ADAMTS2: variants seen among roughly 807,000 people sequenced by gnomAD.
The protein encoded by ADAMTS2 is ADAM metallopeptidase with thrombospondin type 1 motif 2, also known as A disintegrin and metalloproteinase with thrombospondin motifs 2.
In ADAMTS2, 50 loss-of-function variants were observed where a neutral mutation model predicts 123.0. The observed-to-expected ratio is 0.41, with a 90% CI of 0.32 to 0.51. The LOEUF (loss-of-function observed/expected upper bound fraction) is 0.51, where lower values mean the gene tolerates loss of function less well. Ranked by LOEUF, ADAMTS2 falls within the 20% of genes least tolerant of loss-of-function variation. The probability of loss-of-function intolerance (pLI) is 0.35; values close to 1 mark genes in which losing one functional copy is unlikely to be tolerated. For missense variants in ADAMTS2, 1,494 were observed against 1,705.2 expected, an observed-to-expected ratio of 0.88 and a Z score of 2.18; for synonymous variants, 678 against 695.4, an observed-to-expected ratio of 0.98 and a Z score of 0.39.
chr5:179,207,952 C>T lies in ADAMTS2; in HGVS notation c.689-237G>A, dbSNP rs147965283. On this transcript the variant is annotated intron_variant, in intron 3 of 21. Coordinates refer to ENST00000251582, the MANE Select transcript of ADAMTS2 (RefSeq NM_014244.5). ...TGTGACTTCCAGGACCGCTCGTTCCCCAGCCCCTGGTGGCAACCCCAGCCA... is the reference window on the plus strand; with the variant it reads ...TGTGACTTCCAGGACCGCTCGTTCCTCAGCCCCTGGTGGCAACCCCAGCCA... Among the ~76,000 whole-genome samples, 417 of 152,322 alleles carry T rather than the reference C, an allele frequency of 2.7e-3. 5 individuals carry two copies. Among genetic ancestry groups the T allele is most frequent in the African/African-American group, 9.7e-3 (405 of 41,582 alleles).
chr5:179,319,401 CACACATGCATGCATCAA>C (rs1440984124), intron 2 of ADAMTS2, among the ~76,000 whole-genome samples: 1 of 152,076 alleles, frequency 6.6e-6, no homozygotes, highest in African/African-American at 2.4e-5. Flanking sequence ...GCATGCAGTG[CACACATGCATGCATCAA>C]GCACATGCAT....
intron 2 of ADAMTS2, among the ~76,000 whole-genome samples, chr5:179,330,083 G>A (rs1234876561): frequency 7.0e-6 from 1 of 143,484 alleles, no homozygotes; most frequent in Admixed American, 7.3e-5. Context: ...CCGAGATTGC[G>A]CCACTGCAGT....
intron 4 of ADAMTS2, among the ~76,000 whole-genome samples, chr5:179,206,051 A>G (rs112138101): frequency 4.6e-4 from 70 of 152,110 alleles, no homozygotes; most frequent in African/African-American, 1.1e-3. Flanking sequence ...GAGCCACCGC[A>G]CCCGGCCGTT....
At chr5:179,276,059 G>A (rs1254052888) in intron 2 of ADAMTS2, among the ~76,000 whole-genome samples, 1 of 152,112 alleles carries the variant, frequency 6.6e-6, no homozygotes, top group Non-Finnish European at 1.5e-5. Flanking sequence ...AGCGGAAGAG[G>A]GGGTGGGAAC....
At chr5:179,218,314 AAG>A (rs1336138093) in intron 3 of ADAMTS2, among the ~76,000 whole-genome samples, 14 of 152,278 alleles carry the variant, frequency 9.2e-5, no homozygotes, top group African/African-American at 3.4e-4. Context: ...CTTACTAACC[AAG>A]AGAGAGTCGC....
rs1402048390 is a variant in ADAMTS2 at position 179,345,227 on chromosome 5, G to T, written c.102C>A (p.Pro34=). 8.3e-5 allele frequency: 93 copies of T among 1,119,454 alleles called. No homozygotes were observed. The highest frequency in any genetic ancestry group is 1.0e-4 in the Non-Finnish European group (93 of 918,750). The allele number at this position is 1,119,454 out of a possible 1,614,324, so 69.3% of individuals were successfully genotyped here. Residue 34 remains proline, a synonymous_variant, in exon 1 of 22, where the codon CCC becomes CCA. Transcript: ENST00000251582. This position sits in a 1 kb window ranked among gnomAD's most constrained non-coding sequence, Gnocchi z 7.5. ...PPPLLPPPPP[P]ANARLAAAAD... is the part of the protein sequence containing the mutation. ...CGGCGGCGGCGAGCCTGGCGTTCGC[G>T]GGCGGCGGCGGCGGCGGCAGGAGCG...
At chr5:179,176,983 G>A (rs1018564207) in intron 5 of ADAMTS2, among the ~76,000 whole-genome samples, 3 of 151,826 alleles carry the variant, frequency 2.0e-5, no homozygotes, top group African/African-American at 7.3e-5. Flanking sequence ...TCCTCCCGTT[G>A]CTTTTCCTGA....
chr5:179,190,930 C>T (rs11950759), intron 4 of ADAMTS2, among the ~76,000 whole-genome samples: 2,780 of 152,376 alleles, frequency 0.018, 83 homozygotes, highest in African/African-American at 0.063. Flanking sequence ...CTGCTGTGCC[C>T]AGGCACGTCC....
At chr5:179,249,253 C>A (rs1765867334) in intron 3 of ADAMTS2, among the ~76,000 whole-genome samples, 1 of 151,914 alleles carries the variant, frequency 6.6e-6, no homozygotes, top group African/African-American at 2.4e-5. Flanking sequence ...CATACAAAAG[C>A]AGTGCCCAGA....
At chr5:179,208,258 G>A (rs1764765899) in intron 3 of ADAMTS2, among the ~76,000 whole-genome samples, 1 of 145,934 alleles carries the variant, frequency 6.9e-6, no homozygotes, top group Non-Finnish European at 1.5e-5. Context: ...TGTTATGACT[G>A]GGGAAACCGA....
chr5:179,325,686 G>A (rs943633198), intron 2 of ADAMTS2, among the ~76,000 whole-genome samples: 2 of 152,264 alleles, frequency 1.3e-5, no homozygotes, highest in Non-Finnish European at 2.9e-5. Flanking sequence ...TCTGCCGGGC[G>A]GCTGGTGCAC....
intron 3 of ADAMTS2, among the ~76,000 whole-genome samples, chr5:179,235,371 T>C (rs1365895629): frequency 6.6e-6 from 1 of 152,152 alleles, no homozygotes; most frequent in African/African-American, 2.4e-5. Context: ...CAGAATAGCA[T>C]GAAATGCTCA....
chr5:179,202,170 C>T lies in ADAMTS2; in HGVS notation c.891+5343G>A, dbSNP rs965897483. ...GCTCCCCTCCACCTCTGGAAGACTG[C>T]GGCGGCCGGCCTTGCCGGCCCCGAC... On this transcript the variant is annotated intron_variant, in intron 4 of 21. Coordinates refer to ENST00000251582, the MANE Select transcript of ADAMTS2 (RefSeq NM_014244.5). This position sits in a 1 kb window ranked among gnomAD's most constrained non-coding sequence, Gnocchi z 4.0. 2.0e-5 allele frequency among the ~76,000 whole-genome samples: 3 copies of T among 151,468 alleles called. No individual in the cohort carries two copies. The highest frequency in any genetic ancestry group is 4.4e-5 in the Non-Finnish European group (3 of 67,836).
In ADAMTS2 at chr5:179,228,536, C is replaced by T. The variant is rs1765338845; in HGVS notation, c.689-20821G>A. Among the ~76,000 whole-genome samples the T allele has an allele frequency of 1.3e-5, 2 of 152,252 alleles. No individual in the cohort carries two copies. The highest frequency in any genetic ancestry group is 2.1e-4 in the South Asian group (1 of 4,836). On this transcript the variant is annotated intron_variant, in intron 3 of 21. Coordinates refer to ENST00000251582, the MANE Select transcript of ADAMTS2 (RefSeq NM_014244.5). This position sits in a 1 kb window ranked among gnomAD's most constrained non-coding sequence, Gnocchi z 5.2. Reference sequence around the variant, plus strand: ...TGTGGGTGTGAAGCGGAAGGAGACTCTGCAGCAAGGCCCAGCTCTTATGCC... The same window carrying T: ...TGTGGGTGTGAAGCGGAAGGAGACTTTGCAGCAAGGCCCAGCTCTTATGCC...
At position 179,139,758 on chromosome 5, in the gene ADAMTS2, G is replaced by A. The variant is rs1763128976; in HGVS notation, c.1775+132C>T. On this transcript the variant is annotated intron_variant, in intron 11 of 21. Coordinates refer to ENST00000251582, the MANE Select transcript of ADAMTS2 (RefSeq NM_014244.5). ...CTCCCAGGTAGGGTGAGGCAGGCGG[G>A]GCAGCCTGCCCTGCACCTCTCCAGA... 24 of 1,370,504 alleles carry A rather than the reference G, an allele frequency of 1.8e-5. No homozygotes were observed. The South Asian group carries it at 2.8e-4, about 16-fold the overall frequency. The allele number at this position is 1,370,504 out of a possible 1,614,324, so 84.9% of individuals were successfully genotyped here.
At position 179,115,904 on chromosome 5, in the gene ADAMTS2, G is replaced by A. The variant is rs527788789; in HGVS notation, c.3179-1580C>T. Among the ~76,000 whole-genome samples the A allele has an allele frequency of 6.6e-6, 1 of 152,184 alleles. No homozygotes were observed. The highest frequency in any genetic ancestry group is 2.1e-4 in the South Asian group (1 of 4,810). On this transcript the variant is annotated intron_variant, in intron 21 of 21. Coordinates refer to ENST00000251582, the MANE Select transcript of ADAMTS2 (RefSeq NM_014244.5). This position sits in a 1 kb window ranked among gnomAD's most constrained non-coding sequence, Gnocchi z 4.4. ...GCCTGTAATTTTCCCTTAGAAGCTG[G>A]TGACAGACCACCAGCTCCAAACCCC... is the stretch of plus-strand genomic sequence containing the variant.
chr5:179,231,269 G>A (rs767854250), intron 3 of ADAMTS2, among the ~76,000 whole-genome samples: 15 of 152,266 alleles, frequency 9.9e-5, no homozygotes, highest in Middle Eastern at 3.4e-3. Context: ...CTGTTCAATG[G>A]GTGTAAAGTT....
chr5:179,279,662 G>C (rs1269831516), intron 2 of ADAMTS2, among the ~76,000 whole-genome samples: 1 of 152,246 alleles, frequency 6.6e-6, no homozygotes, highest in East Asian at 1.9e-4. Context: ...TTTCAGGGAA[G>C]GGGGCTGGAC....
chr5:179,283,549 CAAAAAA>C (rs3986816), intron 2 of ADAMTS2, among the ~76,000 whole-genome samples: 10 of 51,332 alleles, frequency 1.9e-4, no homozygotes, highest in African/African-American at 4.8e-4. Context: ...AGAAAAACAG[CAAAAAA>C]AAAAAAAAAA....
Sources: gnomAD v4.1 joint callset for allele counts (sites outside exome capture counted in the v4.1 genomes callset) on GRCh38, gnomAD v4.1.1 for gene constraint, Gnocchi (gnomAD v3.1) non-coding constraint, MANE v1.5 for transcripts, NCBI Gene and HGNC (gene_info 2026-07-23, HGNC 2026-07-21) for gene names.